ZNF420: variants seen among roughly 807,000 people sequenced by gnomAD.
The protein encoded by ZNF420 is ATM and p53-associated KZNF protein.
Under a neutral mutation model 44.7 loss-of-function variants are expected in ZNF420, and 31 were observed. The observed-to-expected ratio is 0.69, with a 90% CI of 0.52 to 0.94. The LOEUF (loss-of-function observed/expected upper bound fraction) is 0.94, where lower values mean the gene tolerates loss of function less well. Among genes scored for constraint, ZNF420 ranks in the 40% least tolerant of loss-of-function variants. The probability of loss-of-function intolerance (pLI) is 0.00; values close to 1 mark genes in which losing one functional copy is unlikely to be tolerated. For synonymous variants in ZNF420, 245 were observed against 267.4 expected, an observed-to-expected ratio of 0.92 and a Z score of 0.82; for missense variants, 681 against 827.9, an observed-to-expected ratio of 0.82 and a Z score of 2.18.
At chr19:37,111,222 A>AT (rs34261965) in intron 4 of ZNF420, among the ~76,000 whole-genome samples, 83,322 of 151,938 alleles carry the variant, frequency 0.55, 24,065 homozygotes, top group African/African-American at 0.71. Context: ...TATTCTATTT[A>AT]TTGCACTGAC....
intron 4 of ZNF420, among the ~76,000 whole-genome samples, chr19:37,101,679 G>T (rs1969784656): frequency 6.6e-6 from 1 of 152,224 alleles, no homozygotes; most frequent in African/African-American, 2.4e-5. Context: ...AGCCTTGCAA[G>T]GGCTCCAAGG....
chr19:37,028,027 A>G (rs573864924), intron 1 of ZNF420, among the ~76,000 whole-genome samples: 20 of 152,142 alleles, frequency 1.3e-4, no homozygotes, highest in Admixed American at 9.2e-4. Flanking sequence ...TGACTGTACC[A>G]TTTTGCATTC....
intron 4 of ZNF420, among the ~76,000 whole-genome samples, chr19:37,109,109 A>C (rs1451184561): frequency 6.6e-6 from 1 of 152,216 alleles, no homozygotes; most frequent in Admixed American, 6.5e-5. Flanking sequence ...AAGTACTTCT[A>C]CCAACCAATT....
chr19:37,123,054 G>T (rs778736154), intron 4 of ZNF420, among the ~76,000 whole-genome samples: 5 of 152,162 alleles, frequency 3.3e-5, no homozygotes, highest in Non-Finnish European at 5.9e-5. Flanking sequence ...GGCAAAACCT[G>T]CATAGTCTTC....
At chr19:37,103,550 C>G (rs1969898431) in intron 4 of ZNF420, among the ~76,000 whole-genome samples, 1 of 152,180 alleles carries the variant, frequency 6.6e-6, no homozygotes, top group African/African-American at 2.4e-5. Context: ...CTGAGCTGAT[C>G]TCACTGAGAA....
rs1971402642 is a variant in ZNF420, at chr19:37,127,314, G to C, written c.323G>C (p.Arg108Thr). 6.2e-7 allele frequency: 1 copy of C among 1,612,926 alleles called. No homozygotes were observed. Among genetic ancestry groups the C allele is most frequent in the Non-Finnish European group, 8.5e-7 (1 of 1,179,490 alleles). ...KQQENQKEYF[R>T]QGMIIYDKMS... ...CAAGAAAATCAGAAGGAATATTTCA[G>C]GCAAGGGATGATCATATATGACAAA... The change falls in exon 5 of 5, where the codon AGG (arginine) becomes ACG (threonine). Residue 108 changes from arginine to threonine, a missense_variant. By Grantham distance (71) the Arg-to-Thr change is moderately conservative. This residue lies in a region of ZNF420 where 350 missense variants were observed against 382.5 expected (regional missense o/e 0.92). Coordinates refer to ENST00000337995, the MANE Select transcript of ZNF420 (RefSeq NM_144689.5).
intron 1 of ZNF420, among the ~76,000 whole-genome samples, chr19:37,022,991 A>G (rs1177822811): frequency 1.3e-5 from 2 of 152,162 alleles, no homozygotes; most frequent in Non-Finnish European, 2.9e-5. Flanking sequence ...TACAAAAATT[A>G]GCCAGGCATG....
chr19:37,083,177 T>A (rs989696690), intron 2 of ZNF420, among the ~76,000 whole-genome samples: 58 of 152,040 alleles, frequency 3.8e-4, no homozygotes, highest in African/African-American at 1.3e-3. Flanking sequence ...GCTTTTTTTT[T>A]TTTTTTATTT....
At position 37,128,846 on chromosome 19, in the gene ZNF420, G is replaced by T; in HGVS notation, c.1855G>T (p.Glu619Ter). 6.2e-7 allele frequency: 1 copy of T among 1,613,734 alleles called. No homozygotes were observed. Among genetic ancestry groups the T allele is most frequent in the Non-Finnish European group, 8.5e-7 (1 of 1,179,970 alleles). ...TGGTGAGAAGCCCTATGAATGCAGA[G>T]AATGTAGAAAGGCCTTTACTCAGAG... ...HTGEKPYECR[E>*]CRKAFTQSSH... The change falls in exon 5 of 5, where the codon GAA becomes TAA. Residue 619 changes from glutamate (E) to a stop codon, truncating the protein, a stop_gained. Coordinates refer to ENST00000337995, the MANE Select transcript of ZNF420 (RefSeq NM_144689.5). LOFTEE classifies it high-confidence loss of function.
chr19:37,077,272 A>G (rs562586647), upstream of ZNF420, among the ~76,000 whole-genome samples: 2 of 152,334 alleles, frequency 1.3e-5, no homozygotes, highest in Admixed American at 1.3e-4. Context: ...AATTTGGGAA[A>G]TCTGACTAGT....
chr19:37,031,160 C>T (rs917356141), intron 1 of ZNF420, among the ~76,000 whole-genome samples: 4 of 152,158 alleles, frequency 2.6e-5, no homozygotes, highest in Non-Finnish European at 5.9e-5. Flanking sequence ...TGGCTGCTTT[C>T]ACCATTTCAG....
At chr19:37,019,359 T>C (rs1027292297) in intron 1 of ZNF420, among the ~76,000 whole-genome samples, 2 of 152,144 alleles carry the variant, frequency 1.3e-5, no homozygotes, top group African/African-American at 4.8e-5. Flanking sequence ...AGGCTGCCGT[T>C]AAAAAACAGA....
chr19:37,039,050 T>G (rs548918530), intron 1 of ZNF420, among the ~76,000 whole-genome samples: 5 of 152,126 alleles, frequency 3.3e-5, no homozygotes, highest in Non-Finnish European at 7.4e-5. Flanking sequence ...CAGGCTCCAC[T>G]TGTAATTCTC....
intron 1 of ZNF420, among the ~76,000 whole-genome samples, chr19:37,011,554 T>A (rs1274351244): frequency 6.6e-6 from 1 of 151,508 alleles, no homozygotes; most frequent in East Asian, 1.9e-4. Flanking sequence ...ATTGGAGAGG[T>A]GGGGGTGAAG....
intron 1 of ZNF420, among the ~76,000 whole-genome samples, chr19:37,071,739 T>G (rs1266573315): frequency 1.3e-5 from 2 of 152,118 alleles, no homozygotes; most frequent in African/African-American, 4.8e-5. Flanking sequence ...AGGCGGAGGT[T>G]GCAGTGAGCT....
At chr19:37,060,895 C>T (rs1467590545) in intron 1 of ZNF420, among the ~76,000 whole-genome samples, 1 of 152,024 alleles carries the variant, frequency 6.6e-6, no homozygotes, top group Non-Finnish European at 1.5e-5. Context: ...CGGGACTGGG[C>T]TGGGGCTGGG....
chr19:37,079,483 A>G (rs1968309276), intron 1 of ZNF420, among the ~76,000 whole-genome samples: 1 of 152,104 alleles, frequency 6.6e-6, no homozygotes, highest in Non-Finnish European at 1.5e-5. Flanking sequence ...CCTTTCATCC[A>G]TGGCCTGTAT....
intron 1 of ZNF420, among the ~76,000 whole-genome samples, chr19:37,012,084 AGAG>A (rs1416984530): frequency 6.6e-6 from 1 of 152,112 alleles, no homozygotes; most frequent in African/African-American, 2.4e-5. Flanking sequence ...CAAAATCTGA[AGAG>A]GAGTCCTGAG....
intron 4 of ZNF420, among the ~76,000 whole-genome samples, chr19:37,126,116 C>T (rs967760658): frequency 6.6e-6 from 1 of 152,218 alleles, no homozygotes; most frequent in Admixed American, 6.5e-5. Context: ...TATGTAAACG[C>T]TCCAGTGGCT....
Sources: allele counts gnomAD v4.1 joint callset (sites outside exome capture counted in the v4.1 genomes callset), GRCh38; gene constraint gnomAD v4.1.1; regional missense constraint gnomAD v4.1.1; transcripts MANE v1.5; gene names NCBI Gene and HGNC (gene_info 2026-07-23, HGNC 2026-07-21).